The following PKIA variants were observed in gnomAD, a reference collection of about 807,000 sequenced individuals.
PKIA encodes PKI-alpha.
PKIA carries 4 observed loss-of-function variants against 7.6 expected under a neutral mutation model. The observed-to-expected ratio is 0.52, with a 90% CI of 0.26 to 1.20. The LOEUF (loss-of-function observed/expected upper bound fraction) is 1.20. Ranked by LOEUF, PKIA falls within the 50% of genes most tolerant of loss-of-function variation. PKIA has a pLI of 0.13. For missense variants in PKIA, 73 were observed against 86.2 expected (o/e 0.85, Z 0.61); for synonymous variants, 21 against 30.7 (o/e 0.68, Z 1.04).
intron 1 of PKIA, among the ~76,000 whole-genome samples, chr8:78,550,204 T>C (rs1159703188): frequency 6.6e-6 from 1 of 152,104 alleles, no homozygotes; most frequent in Non-Finnish European, 1.5e-5. Flanking sequence ...TGGAGGATAT[T>C]AGGGTAGAGT....
At chr8:78,573,917 G>A (rs962474649) in intron 2 of PKIA, among the ~76,000 whole-genome samples, 1 of 151,954 alleles carries the variant, frequency 6.6e-6, no homozygotes, top group Non-Finnish European at 1.5e-5. Context: ...TGTGACAGAA[G>A]TATCTGTGAC....
At chr8:78,565,452 G>A (rs750194863) in intron 1 of PKIA, among the ~76,000 whole-genome samples, 19 of 151,882 alleles carry the variant, frequency 1.3e-4, no homozygotes, top group Non-Finnish European at 2.1e-4. Flanking sequence ...CTGTTATAAG[G>A]ATTTTATATA....
intron 1 of PKIA, among the ~76,000 whole-genome samples, chr8:78,555,784 C>T (rs941098047): frequency 3.9e-5 from 6 of 152,032 alleles, no homozygotes; most frequent in African/African-American, 1.4e-4. Flanking sequence ...TAGAAAAAGA[C>T]ATTTAAAACT....
intron 2 of PKIA, among the ~76,000 whole-genome samples, chr8:78,586,422 C>A (rs1478840905): frequency 6.6e-6 from 1 of 152,000 alleles, no homozygotes; most frequent in African/African-American, 2.4e-5. Context: ...ATAGGTCTTT[C>A]TCAAACTCAT....
At chr8:78,554,309 T>G (rs763979044) in intron 1 of PKIA, among the ~76,000 whole-genome samples, 1 of 151,958 alleles carries the variant, frequency 6.6e-6, no homozygotes, top group Non-Finnish European at 1.5e-5. Context: ...AGCTAAATAG[T>G]AGGGAAGACA....
In PKIA at chr8:78,602,694, A is replaced by AATATATATATATATAT. The variant is rs34597437; in HGVS notation, c.*878_*893dup. The AATATATATATATATAT allele has an allele frequency of 3.0e-3, 408 of 136,940 alleles. 8 individuals are homozygous for AATATATATATATATAT. The highest frequency in any genetic ancestry group is 0.011 in the African/African-American group (398 of 35,768). The allele number at this position is 136,940 out of a possible 1,614,324, so 8.5% of individuals were successfully genotyped here. A position where few individuals can be genotyped will look rare whatever the true frequency, so the allele number is the denominator to read the frequency against. ...CTCAAGTGGAGAACTTCTCCCACAT[A>AATATATATATATATAT]ATATATATATATATATATATTTTAA... On this transcript the variant is annotated 3_prime_UTR_variant, in exon 4 of 4. Coordinates refer to ENST00000396418, the MANE Select transcript of PKIA (RefSeq NM_006823.4).
chr8:78,560,771 G>A (rs1171224317), intron 1 of PKIA, among the ~76,000 whole-genome samples: 1 of 152,170 alleles, frequency 6.6e-6, no homozygotes, highest in Non-Finnish European at 1.5e-5. Flanking sequence ...TACTGGGCAT[G>A]TCCTAACAGG....
rs1163829070 is a variant in PKIA at position 78,524,075 on chromosome 8, TAA to T, written c.-157+7609_-157+7610del. The stretch of plus-strand genomic sequence containing the variant: ...ATATATAAACATTTATATTTATATA[TAA>T]ATATAAATAAACATTTATATTTATA... On this transcript the variant is annotated intron_variant, in intron 1 of 3. Coordinates refer to ENST00000396418, the MANE Select transcript of PKIA (RefSeq NM_006823.4). Among the ~76,000 whole-genome samples the T allele has an allele frequency of 2.4e-5, 3 of 123,832 alleles. 1 individual carries two copies. Among genetic ancestry groups the T allele is most frequent in the African/African-American group, 7.2e-5 (2 of 27,756 alleles). 81.2% of individuals were successfully genotyped at this position (123,832 alleles called of 152,430 possible).
intron 1 of PKIA, among the ~76,000 whole-genome samples, chr8:78,546,128 A>G (rs1279560896): frequency 6.6e-6 from 1 of 152,212 alleles, no homozygotes; most frequent in Non-Finnish European, 1.5e-5. Flanking sequence ...TGTCGAATAC[A>G]TCAACTAATA....
At chr8:78,520,434 T>C (rs1809394294) in intron 1 of PKIA, among the ~76,000 whole-genome samples, 1 of 152,228 alleles carries the variant, frequency 6.6e-6, no homozygotes, top group South Asian at 2.1e-4. Flanking sequence ...TGAGCATTTA[T>C]CTTGTTTCAA....
chr8:78,528,948 T>C (rs1806325381), intron 1 of PKIA, among the ~76,000 whole-genome samples: 1 of 152,090 alleles, frequency 6.6e-6, no homozygotes, highest in African/African-American at 2.4e-5. Context: ...TTTAATTTAG[T>C]ATAAATACAT....
intron 1 of PKIA, among the ~76,000 whole-genome samples, chr8:78,524,291 A>T (rs1040824788): frequency 6.7e-6 from 1 of 148,638 alleles, no homozygotes; most frequent in Non-Finnish European, 1.5e-5. Flanking sequence ...TCACTGGAGA[A>T]TAATGGATTT....
chr8:78,603,896 A>ATG lies in PKIA; in HGVS notation c.*2076_*2077dup, dbSNP rs1808413879. The ATG allele has an allele frequency of 6.6e-6, 1 of 151,980 alleles. No individual in the cohort carries two copies. The highest frequency in any genetic ancestry group is 2.1e-4 in the South Asian group (1 of 4,834). The allele number at this position is 151,980 out of a possible 1,614,324, so 9.4% of individuals were successfully genotyped here. ...TACTGTTATTAATGCATGTGGTGCC[A>ATG]TGCTTGTCTTTAAATATATAAATAG... On this transcript the variant is annotated 3_prime_UTR_variant, in exon 4 of 4. Coordinates refer to ENST00000396418, the MANE Select transcript of PKIA (RefSeq NM_006823.4).
chr8:78,598,791 T>C (rs940004676), intron 3 of PKIA, among the ~76,000 whole-genome samples: 4 of 152,030 alleles, frequency 2.6e-5, no homozygotes, highest in African/African-American at 9.7e-5. Context: ...ATAAAACACA[T>C]GGTGTGTTTT....
chr8:78,561,802 T>G (rs1807292060), intron 1 of PKIA, among the ~76,000 whole-genome samples: 1 of 152,218 alleles, frequency 6.6e-6, no homozygotes, highest in South Asian at 2.1e-4. Context: ...CTCACAGGGT[T>G]AATGTGTAAA....
At chr8:78,556,906 C>G (rs998276723) in intron 1 of PKIA, among the ~76,000 whole-genome samples, 1 of 152,068 alleles carries the variant, frequency 6.6e-6, no homozygotes, top group African/African-American at 2.4e-5. Context: ...ATTTGCCACT[C>G]TTTGCTTTCT....
chr8:78,587,429 G>A (rs1404055427), intron 2 of PKIA, among the ~76,000 whole-genome samples: 3 of 152,216 alleles, frequency 2.0e-5, no homozygotes, highest in East Asian at 1.9e-4. Flanking sequence ...TTAACCTTTC[G>A]CTGCTTTAGT....
intron 1 of PKIA, among the ~76,000 whole-genome samples, chr8:78,529,790 T>C (rs1010169678): frequency 5.3e-5 from 8 of 152,016 alleles, no homozygotes; most frequent in South Asian, 2.1e-4. Flanking sequence ...CATTAAACAA[T>C]AAATGATGCA....
intron 1 of PKIA, among the ~76,000 whole-genome samples, chr8:78,551,937 T>G (rs922105438): frequency 1.3e-5 from 2 of 151,972 alleles, no homozygotes; most frequent in African/African-American, 4.8e-5. Context: ...TAACTCCTAT[T>G]ATGTGCTGGA....
Sources: allele counts gnomAD v4.1 joint callset (sites outside exome capture counted in the v4.1 genomes callset), GRCh38; gene constraint gnomAD v4.1.1; transcripts MANE v1.5; gene names NCBI Gene and HGNC (gene_info 2026-07-23, HGNC 2026-07-21).